The following CASR variants were observed in gnomAD, a reference collection of about 807,000 sequenced individuals.
CASR encodes calcium sensing receptor, also known as extracellular calcium-sensing receptor.
Under a neutral mutation model 69.1 loss-of-function variants are expected in CASR, and 23 were observed. The observed-to-expected ratio is 0.33, with a 90% CI of 0.24 to 0.47. CASR has a LOEUF of 0.47. Among genes scored for constraint, CASR ranks in the 20% least tolerant of loss-of-function variants. CASR has a pLI of 1.00. For synonymous variants in CASR, 541 were observed against 544.7 expected, an observed-to-expected ratio of 0.99 and a Z score of 0.10; for missense variants, 924 against 1,356.1, an observed-to-expected ratio of 0.68 and a Z score of 5.00.
At chr3:122,185,841 T>C (rs1029014735) in intron 1 of CASR, among the ~76,000 whole-genome samples, 1 of 152,160 alleles carries the variant, frequency 6.6e-6, no homozygotes, top group Middle Eastern at 3.4e-3. Flanking sequence ...GAGGGGAAGA[T>C]GTAGGAGAAG....
At chr3:122,187,751 C>G (rs1361522919) in intron 1 of CASR, among the ~76,000 whole-genome samples, 3 of 152,094 alleles carry the variant, frequency 2.0e-5, no homozygotes, top group Non-Finnish European at 4.4e-5. Flanking sequence ...AAGCAATTAA[C>G]AACAACTAAA....
intron 1 of CASR, among the ~76,000 whole-genome samples, chr3:122,217,452 G>T (rs976377733): frequency 3.3e-5 from 5 of 152,186 alleles, no homozygotes; most frequent in African/African-American, 1.2e-4. Context: ...AATCTTGTGT[G>T]ATAGATGGGA....
At chr3:122,282,888 G>A (rs543834031) in intron 6 of CASR, among the ~76,000 whole-genome samples, 1 of 152,330 alleles carries the variant, frequency 6.6e-6, no homozygotes, top group Admixed American at 6.5e-5. Flanking sequence ...TAAGAAGCTT[G>A]ATCAAAGTCA....
At chr3:122,252,406 G>A (rs372376105) in intron 1 of CASR, among the ~76,000 whole-genome samples, 523 of 5,446 alleles carry the variant, frequency 0.096, 11 homozygotes, top group Middle Eastern at 0.2. Context: ...AAGGAAGGAA[G>A]GAAAAAGAAA....
intron 4 of CASR, among the ~76,000 whole-genome samples, chr3:122,266,239 G>A (rs1193086562): frequency 6.6e-6 from 1 of 151,590 alleles, no homozygotes; most frequent in Non-Finnish European, 1.5e-5. Context: ...ATCTTTTAGG[G>A]GAAATACCCT....
At chr3:122,267,793 A>C (rs1218434271) in intron 4 of CASR, among the ~76,000 whole-genome samples, 2 of 152,194 alleles carry the variant, frequency 1.3e-5, no homozygotes, top group Non-Finnish European at 2.9e-5. Flanking sequence ...TAAAAAAAAT[A>C]ACGGAAAGTC....
At chr3:122,268,909 T>C (rs1435818785) in intron 4 of CASR, among the ~76,000 whole-genome samples, 1 of 152,218 alleles carries the variant, frequency 6.6e-6, no homozygotes, top group African/African-American at 2.4e-5. Flanking sequence ...AACTTAGCTC[T>C]GCATTGTTAA....
intron 1 of CASR, chr3:122,246,791 T>C (rs553324314): frequency 2.0e-5 from 3 of 152,324 alleles, no homozygotes; most frequent in African/African-American, 7.2e-5. Context: ...TCCCCAGTGG[T>C]CCTCAGACAA....
chr3:122,269,628 A>G (rs1210474401), intron 4 of CASR, among the ~76,000 whole-genome samples: 1 of 152,080 alleles, frequency 6.6e-6, no homozygotes, highest in Non-Finnish European at 1.5e-5. Flanking sequence ...TTTTGCTTCT[A>G]TGTTCATGAG....
rs181147855 is a variant in CASR at position 122,210,818 on chromosome 3, T to A, written c.-243+27006T>A. Reference sequence around the variant, plus strand: ...AAAAAGAACAAAGCTGGAGGCATCATGCTACCCAACTTCAAACTGTGCTAC... The same window carrying A: ...AAAAAGAACAAAGCTGGAGGCATCAAGCTACCCAACTTCAAACTGTGCTAC... On this transcript the variant is annotated intron_variant, in intron 1 of 6. Transcript: ENST00000639785. 3.3e-4 allele frequency among the ~76,000 whole-genome samples: 50 copies of A among 152,266 alleles called. No homozygotes were observed. The East Asian group carries it at 9.1e-3, about 28-fold the overall frequency.
chr3:122,204,998 T>G (rs2073992811), intron 1 of CASR, among the ~76,000 whole-genome samples: 1 of 152,182 alleles, frequency 6.6e-6, no homozygotes, highest in South Asian at 2.1e-4. Flanking sequence ...ATGGGCAGTT[T>G]GTATGTATTT....
Position 122,288,934 on chromosome 3 carries a change from G to C in CASR, c.*3743G>C, listed in dbSNP as rs544973367. The C allele has an allele frequency of 6.6e-6, 1 of 152,246 alleles. No homozygotes were observed. The highest frequency in any genetic ancestry group is 6.5e-5 in the Admixed American group (1 of 15,300). The allele number at this position is 152,246 out of a possible 1,614,324, so 9.4% of individuals were successfully genotyped here. A position where few individuals can be genotyped will look rare whatever the true frequency, so the allele number is the denominator to read the frequency against. On this transcript the variant is annotated 3_prime_UTR_variant, in exon 7 of 7. Transcript: ENST00000639785. ...TTTAAGAATTTAGGTTGGAAATTTAGAGGTGACGATCAGCATATAACATCA... is the reference window on the plus strand; with the variant it reads ...TTTAAGAATTTAGGTTGGAAATTTACAGGTGACGATCAGCATATAACATCA...
intron 1 of CASR, among the ~76,000 whole-genome samples, chr3:122,220,455 C>A (rs1255815884): frequency 6.6e-6 from 1 of 152,168 alleles, no homozygotes; most frequent in African/African-American, 2.4e-5. Context: ...AAATACAGAG[C>A]AACATCTCTG....
At chr3:122,200,792 T>C (rs963841322) in intron 1 of CASR, among the ~76,000 whole-genome samples, 3 of 152,164 alleles carry the variant, frequency 2.0e-5, no homozygotes, top group African/African-American at 7.2e-5. Flanking sequence ...GCAAAATGGA[T>C]TTCCAAAGTG....
intron 4 of CASR, among the ~76,000 whole-genome samples, chr3:122,263,494 C>G (rs1559960464): frequency 6.6e-6 from 1 of 152,216 alleles, no homozygotes. Context: ...CAGTACAGCT[C>G]TAATTAATCC....
intron 4 of CASR, among the ~76,000 whole-genome samples, chr3:122,266,335 A>G (rs1017887316): frequency 2.6e-5 from 4 of 151,628 alleles, no homozygotes; most frequent in African/African-American, 7.3e-5. Context: ...CCCCTCTTTT[A>G]GATCTATGTG....
intron 1 of CASR, among the ~76,000 whole-genome samples, chr3:122,201,704 G>A (rs1391796725): frequency 2.2e-5 from 3 of 133,500 alleles, no homozygotes; most frequent in South Asian, 2.2e-4. Flanking sequence ...CGGACGGGGC[G>A]GCTGGCTTGG....
In CASR at chr3:122,262,320, C is replaced by T. The variant is rs142818334; in HGVS notation, c.1285C>T (p.His429Tyr). Residue 429 changes from histidine to tyrosine, a missense_variant, in exon 4 of 7, where the codon CAC becomes TAC. By Grantham distance (83) the His-to-Tyr change is moderately conservative. This residue lies in a region of CASR where 310 missense variants were observed against 395.7 expected (regional missense o/e 0.78). Coordinates refer to ENST00000639785, the MANE Select transcript of CASR (RefSeq NM_000388.4). ...GTACTTAGCAGTCTACTCCATTGCC[C>T]ACGCCTTGCAAGATATATATACCTG... ...NVYLAVYSIA[H>Y]ALQDIYTCLP... The T allele has an allele frequency of 4.9e-4, 786 of 1,614,048 alleles. 5 individuals are homozygous for T. The Admixed American group carries it at 0.012, about 25-fold the overall frequency.
intron 3 of CASR, 26 bp downstream of exon 3, chr3:122,257,413 A>G (rs755769795): frequency 6.3e-7 from 1 of 1,575,860 alleles, no homozygotes; most frequent in Non-Finnish European, 8.7e-7. Context: ...CAGGCGGGGC[A>G]CTGGGAGCAG....
Sources: allele counts gnomAD v4.1 joint callset (sites outside exome capture counted in the v4.1 genomes callset), GRCh38; gene constraint gnomAD v4.1.1; regional missense constraint gnomAD v4.1.1; transcripts MANE v1.5; gene names NCBI Gene and HGNC (gene_info 2026-07-23, HGNC 2026-07-21).